The following RPGR variants were observed in gnomAD, a reference collection of about 807,000 sequenced individuals.
RPGR encodes the protein X-linked retinitis pigmentosa GTPase regulator.
In RPGR, 10 loss-of-function variants were observed where a neutral mutation model predicts 56.3. That is an observed-to-expected ratio of 0.18 (90% CI 0.11 to 0.30). RPGR has a LOEUF of 0.30. RPGR is among the 10% of genes least tolerant of loss of function. The pLI is 1.00. For missense variants in RPGR, 538 were observed against 590.9 expected, an observed-to-expected ratio of 0.91 and a Z score of 0.93; for synonymous variants, 197 against 212.9, an observed-to-expected ratio of 0.93 and a Z score of 0.65.
chrX:38,323,216 T>C (rs1344171062), intron 2 of RPGR, among the ~76,000 whole-genome samples, 183 bp downstream of exon 2: 1 of 112,307 alleles, frequency 8.9e-6, no homozygotes, highest in Non-Finnish European at 1.9e-5. Context: ...TTAAATATAC[T>C]AAGGAAACTT....
Position 38,322,963 on chromosome X carries a change from G to T in RPGR, c.155-18C>A. 9.0e-7 allele frequency: 1 copy of T among 1,115,432 alleles called. No homozygotes were observed. Among genetic ancestry groups the T allele is most frequent in the Non-Finnish European group, 1.2e-6 (1 of 807,826 alleles). 91.9% of individuals were successfully genotyped at this position (1,115,432 alleles called of 1,213,427 possible). On this transcript the variant is annotated intron_variant, in intron 2 of 18. Coordinates refer to ENST00000642395, the MANE Select transcript of RPGR (RefSeq NM_000328.3). ...ATTATTTCCTGGTAGGAGGGAAAAA[G>T]AAATAATCAATTGAAGCATTTTTCA... is the stretch of plus-strand genomic sequence containing the variant.
At chrX:38,319,023 A>C (rs1391673403) in intron 4 of RPGR, 36 bp from the exon 5 acceptor site, 1 of 1,195,818 alleles carries the variant, frequency 8.4e-7, no homozygotes, top group East Asian at 3.0e-5. Context: ...TAGACTATAG[A>C]GTCCCCCTTT....
intron 4 of RPGR, among the ~76,000 whole-genome samples, chrX:38,319,880 G>A (rs2067898080): frequency 8.9e-6 from 1 of 112,118 alleles, no homozygotes; most frequent in Non-Finnish European, 1.9e-5. Flanking sequence ...AAATTATAAG[G>A]TGAAATGAGG....
intron 1 of RPGR, among the ~76,000 whole-genome samples, chrX:38,326,233 G>A (rs887877698): frequency 6.2e-5 from 7 of 112,034 alleles, no homozygotes; most frequent in Admixed American, 5.7e-4. Context: ...CAATTTATAT[G>A]GTCATTTTGT....
At chrX:38,288,429 G>A (rs2067227943) in intron 13 of RPGR, among the ~76,000 whole-genome samples, 1 of 111,788 alleles carries the variant, frequency 8.9e-6, no homozygotes, top group South Asian at 3.7e-4. Flanking sequence ...TCTTGGCCTG[G>A]CACAGTGGCT....
At chrX:38,285,352 G>A in intron 15 of RPGR, 1 of 1,070,479 alleles carries the variant, frequency 9.3e-7, no homozygotes, top group Non-Finnish European at 1.2e-6. Flanking sequence ...TAGTTTGAGA[G>A]AGGCCAAAAT....
chrX:38,304,877 T>C, intron 7 of RPGR, 87 bp from the exon 8 acceptor site: 2 of 886,961 alleles, frequency 2.3e-6, no homozygotes, highest in Non-Finnish European at 3.3e-6. Flanking sequence ...ACGTTCAACC[T>C]TTTATAGTGA....
At chrX:38,287,467 T>A (rs925428113) in intron 14 of RPGR, 4 of 554,300 alleles carry the variant, frequency 7.2e-6, no homozygotes, top group Admixed American at 2.6e-5. Context: ...ACCTTCCATG[T>A]AACTGTCTGG....
chrX:38,275,852 G>C (rs1377449502), intron 16 of RPGR, among the ~76,000 whole-genome samples: 1 of 111,820 alleles, frequency 8.9e-6, no homozygotes, highest in African/African-American at 3.3e-5. Context: ...TCAGTGTTCT[G>C]CATGAGAGGT....
intron 4 of RPGR, among the ~76,000 whole-genome samples, chrX:38,320,700 AT>A (rs2147284651): frequency 8.9e-6 from 1 of 112,394 alleles, no homozygotes; most frequent in Non-Finnish European, 1.9e-5. Flanking sequence ...GCTCACTCAC[AT>A]CAACAGCCTT....
At chrX:38,327,076 T>A (rs1601994191) in intron 1 of RPGR, 1 of 314,201 alleles carries the variant, frequency 3.2e-6, no homozygotes, top group East Asian at 5.1e-5. Context: ...AAAAAAAAAG[T>A]GTCCCTGCCT....
chrX:38,274,475 T>C (rs943363746), intron 17 of RPGR, among the ~76,000 whole-genome samples: 2 of 111,961 alleles, frequency 1.8e-5, no homozygotes, highest in Admixed American at 1.9e-4. Flanking sequence ...GATTTAATAA[T>C]ACTGATTTAA....
At chrX:38,306,115 G>C (rs2067594310) in intron 7 of RPGR, among the ~76,000 whole-genome samples, 1 of 111,958 alleles carries the variant, frequency 8.9e-6, no homozygotes, top group Admixed American at 9.5e-5. Context: ...GCGCAGTGTC[G>C]ATTATATTAG....
chrX:38,319,669 T>C (rs1375294769), intron 4 of RPGR, among the ~76,000 whole-genome samples: 1 of 112,249 alleles, frequency 8.9e-6, no homozygotes, highest in Non-Finnish European at 1.9e-5. Flanking sequence ...AAGATTGAAT[T>C]AGTTGAGATT....
At chrX:38,323,951 T>A (rs910137588) in intron 1 of RPGR, among the ~76,000 whole-genome samples, 1 of 112,336 alleles carries the variant, frequency 8.9e-6, no homozygotes, top group African/African-American at 3.2e-5. Flanking sequence ...CAGTATTTCG[T>A]TTCCTCATTA....
chrX:38,282,373 C>T (rs2067046908), intron 15 of RPGR, among the ~76,000 whole-genome samples: 2 of 111,229 alleles, frequency 1.8e-5, no homozygotes, highest in African/African-American at 3.3e-5. Flanking sequence ...CTCAACCTCT[C>T]CCTTACCTAC....
intron 7 of RPGR, among the ~76,000 whole-genome samples, chrX:38,306,863 T>G (rs1200111974): frequency 8.9e-6 from 1 of 112,618 alleles, no homozygotes; most frequent in African/African-American, 3.2e-5. Context: ...GCAGTTTCTA[T>G]TTTATAAAAA....
intron 17 of RPGR, chrX:38,273,602 T>C (rs1255306974): frequency 4.1e-6 from 2 of 485,938 alleles, no homozygotes; most frequent in East Asian, 3.8e-5. Context: ...ACCCCTGGAG[T>C]AGTGGACAAC....
At position 38,304,785 on chromosome X, in the gene RPGR, C is replaced by A; in HGVS notation, c.784G>T (p.Ala262Ser). 8.3e-7 allele frequency: 1 copy of A among 1,209,236 alleles called. No homozygotes were observed. The highest frequency in any genetic ancestry group is 1.1e-6 in the Non-Finnish European group (1 of 893,917). Reference sequence around the variant, plus strand: ...TGTCCCAGCCCAAAGGTATACACAGCATTCTCTGAAAGGAAAGGGGCAAAT... The same window carrying A: ...TGTCCCAGCCCAAAGGTATACACAGAATTCTCTGAAAGGAAAGGGGCAAAT... Residue 262 changes from alanine to serine, a missense_variant, in exon 8 of 19, where the codon GCT (alanine) becomes TCT (serine). By Grantham distance (99) the Ala-to-Ser change is moderately conservative. This residue lies in a region of RPGR where 181 missense variants were observed against 265.1 expected (regional missense o/e 0.68). Transcript: ENST00000642395.
Sources: allele counts gnomAD v4.1 joint callset (sites outside exome capture counted in the v4.1 genomes callset), GRCh38; gene constraint gnomAD v4.1.1; regional missense constraint gnomAD v4.1.1; transcripts MANE v1.5; gene names NCBI Gene and HGNC (gene_info 2026-07-23, HGNC 2026-07-21).